The following MMP13 variants were observed in gnomAD, a reference collection of about 807,000 sequenced individuals.
MMP13 encodes matrix metallopeptidase 13, also known as collagenase 3.
MMP13 carries 45 observed loss-of-function variants against 52.1 expected under a neutral mutation model. That is an observed-to-expected ratio of 0.86 (90% CI 0.68 to 1.11). The LOEUF (loss-of-function observed/expected upper bound fraction) is 1.11, where lower values mean the gene tolerates loss of function less well. Among genes scored for constraint, MMP13 ranks in the 50% least tolerant of loss-of-function variants. MMP13 has a pLI of 0.00. For missense variants in MMP13, 576 were observed against 583.8 expected, an observed-to-expected ratio of 0.99 and a Z score of 0.14; for synonymous variants, 200 against 204.4, an observed-to-expected ratio of 0.98 and a Z score of 0.18.
chr11:102,954,560 C>A lies in MMP13; in HGVS notation c.409G>T (p.Ala137Ser). 2 of 1,613,576 alleles carry A rather than the reference C, an allele frequency of 1.2e-6. No homozygotes were observed. The highest frequency in any genetic ancestry group is 1.7e-6 in the Non-Finnish European group (2 of 1,179,702). The stretch of plus-strand genomic sequence containing the variant: ...CAAACTTTGAAGGCTTTTTTGAATG[C>A]CTTTTCGACTTCAGAATGAGTCATA... Reference protein sequence around the residue: ...PDMTHSEVEKAFKKAFKVWSD... With the variant: ...PDMTHSEVEKSFKKAFKVWSD... Residue 137 changes from alanine (A) to serine (S), a missense_variant, in exon 3 of 10, where the codon GCA becomes TCA. Physicochemically the swap from Ala to Ser is moderately conservative, Grantham distance 99. Transcript: ENST00000260302.
chr11:102,949,076 T>C lies in MMP13; in HGVS notation c.1000A>G (p.Ile334Val), dbSNP rs782377946. 3 of 1,613,922 alleles carry C rather than the reference T, an allele frequency of 1.9e-6. No individual in the cohort carries two copies. The highest frequency in any genetic ancestry group is 2.5e-6 in the Non-Finnish European group (3 of 1,179,838). The change falls in exon 7 of 10, where the codon ATT becomes GTT. Residue 334 changes from isoleucine (I) to valine (V), a missense_variant. Transcript: ENST00000260302. The surrounding 1 kb of genome is among the most constrained non-coding windows in gnomAD (Gnocchi z 4.2). Reference protein sequence around the residue: ...KSFWPELPNRIDAAYEHPSHD... With the variant: ...KSFWPELPNRVDAAYEHPSHD... ...GAAGGGTGCTCATATGCAGCATCAA[T>C]ACGGTTGGGAAGTTCTGGCCAAAAT...
At chr11:102,947,031 C>T (rs1860519962) in intron 8 of MMP13, among the ~76,000 whole-genome samples, 1 of 152,112 alleles carries the variant, frequency 6.6e-6, no homozygotes, top group Non-Finnish European at 1.5e-5. Flanking sequence ...TCAATGCTGC[C>T]TAAATCTTTA....
rs782547926 is a variant in MMP13 at position 102,950,091 on chromosome 11, G to T, written c.917+19C>A. On this transcript the variant is annotated intron_variant, in intron 6 of 9. Transcript: ENST00000260302. ...GATGTTTGTCGCATACAGACTTTAT[G>T]AAAGAATCTCAAGAGTACCTGTCTT... 7.0e-6 allele frequency: 11 copies of T among 1,572,782 alleles called. No individual in the cohort carries two copies. Among genetic ancestry groups the T allele is most frequent in the Non-Finnish European group, 8.8e-6 (10 of 1,142,536 alleles).
chr11:102,947,703 G>A (rs929025792), intron 8 of MMP13, among the ~76,000 whole-genome samples, 188 bp downstream of exon 8: 2 of 150,210 alleles, frequency 1.3e-5, no homozygotes, highest in South Asian at 4.3e-4. Flanking sequence ...GTGTGTGTGT[G>A]TGTTCAAGAG....
At chr11:102,947,297 T>C (rs1555016762) in intron 8 of MMP13, among the ~76,000 whole-genome samples, 16 of 152,038 alleles carry the variant, frequency 1.1e-4, no homozygotes, top group South Asian at 2.1e-4. Flanking sequence ...AAGGTGCCAA[T>C]TGGGTGTGGT....
chr11:102,950,235 C>G lies in MMP13; in HGVS notation c.800-8G>C. On this transcript the variant is annotated splice_polypyrimidine_tract_variant and splice_region_variant and intron_variant, in intron 5 of 9. Coordinates refer to ENST00000260302, the MANE Select transcript of MMP13 (RefSeq NM_002427.4). ...GGTCTTCATCTCCTGGACCTGTAGT[C>G]GTGAAAGGCAAGAGAGAAGTTATGA... is the stretch of plus-strand genomic sequence containing the variant. 6.3e-6 allele frequency: 10 copies of G among 1,598,156 alleles called. No individual in the cohort carries two copies. Among genetic ancestry groups the G allele is most frequent in the Non-Finnish European group, 8.6e-6 (10 of 1,165,638 alleles).
At chr11:102,951,892 A>G in intron 5 of MMP13, 120 bp downstream of exon 5, 1 of 996,708 alleles carries the variant, frequency 1.0e-6, no homozygotes, top group East Asian at 2.4e-5. Flanking sequence ...AACCTTTGTC[A>G]TGCATGCGCT....
At chr11:102,953,319 T>C (rs1025422154) in intron 4 of MMP13, among the ~76,000 whole-genome samples, 2 of 152,170 alleles carry the variant, frequency 1.3e-5, no homozygotes, top group African/African-American at 4.8e-5. Context: ...AATATGTAAA[T>C]TTTCACTTTT....
At position 102,952,124 on chromosome 11, in the gene MMP13, A is replaced by C. The variant is rs1591157715; in HGVS notation, c.687T>G (p.Gly229=). Residue 229 remains glycine, a synonymous_variant, in exon 5 of 10, where the codon GGT becomes GGG. Coordinates refer to ENST00000260302, the MANE Select transcript of MMP13 (RefSeq NM_002427.4). This position sits in a 1 kb window ranked among gnomAD's most constrained non-coding sequence, Gnocchi z 4.3. ...CTCCAGGGTCCTTGGAGTGGTCAAGACCTAAGGAGTGGCCGAACTCATGCG... is the reference window on the plus strand; with the variant it reads ...CTCCAGGGTCCTTGGAGTGGTCAAGCCCTAAGGAGTGGCCGAACTCATGCG... ...VAAHEFGHSL[G]LDHSKDPGAL... is the part of the protein sequence containing the mutation. 3 of 1,613,190 alleles carry C rather than the reference A, an allele frequency of 1.9e-6. No homozygotes were observed. Among genetic ancestry groups the C allele is most frequent in the Non-Finnish European group, 2.5e-6 (3 of 1,179,424 alleles).
At chr11:102,945,015 G>T (rs141332889) in intron 9 of MMP13, 38 of 210,400 alleles carry the variant, frequency 1.8e-4, no homozygotes, top group Non-Finnish European at 2.9e-4. Flanking sequence ...AGGCCGAGGC[G>T]GGTGAATCGC....
Position 102,943,972 on chromosome 11 carries a change from T to C in MMP13, c.*294A>G. 2.8e-6 allele frequency: 1 copy of C among 363,042 alleles called. No individual in the cohort carries two copies. Among genetic ancestry groups the C allele is most frequent in the East Asian group, 6.1e-5 (1 of 16,436 alleles). The allele number at this position is 363,042 out of a possible 1,614,324, so 22.5% of individuals were successfully genotyped here. On this transcript the variant is annotated 3_prime_UTR_variant, in exon 10 of 10. Transcript: ENST00000260302. ...AATATATTTTTAAATTATGCTCTCA[T>C]TGACAGACCATGTGTCCCATTTGTG...
At chr11:102,946,364 C>G (rs1376074864) in intron 8 of MMP13, among the ~76,000 whole-genome samples, 11 of 152,164 alleles carry the variant, frequency 7.2e-5, no homozygotes, top group African/African-American at 2.7e-4. Context: ...ACTACTGTTA[C>G]TGATGAGAGC....
Position 102,945,353 on chromosome 11 carries a change from T to A in MMP13, c.1315+293A>T, listed in dbSNP as rs567419897. ...CTTCCCACTCCACAGCCAGTTTGAA[T>A]TCTGGCAATATCCTTGCATTTTGGC... On this transcript the variant is annotated intron_variant, in intron 9 of 9. Coordinates refer to ENST00000260302, the MANE Select transcript of MMP13 (RefSeq NM_002427.4). 3 of 994,106 alleles carry A rather than the reference T, an allele frequency of 3.0e-6. No individual in the cohort carries two copies. The South Asian group carries it at 7.0e-5, about 23-fold the overall frequency. 61.6% of individuals were successfully genotyped at this position (994,106 alleles called of 1,614,324 possible).
rs1555017159 is a variant in MMP13 at position 102,950,204 on chromosome 11, G to A, written c.823C>T (p.Pro275Ser). ...LYGPGDEDPN[P>S]KHPKTPDKCD... The stretch of plus-strand genomic sequence containing the variant: ...TTGTCTGGCGTTTTTGGATGTTTAG[G>A]GTTGGGGTCTTCATCTCCTGGACCT... Residue 275 changes from proline (P) to serine (S), a missense_variant, in exon 6 of 10, where the codon CCT (proline) becomes TCT (serine). Pro to Ser is a moderately conservative substitution (Grantham distance 74). Transcript: ENST00000260302. 10 of 1,613,704 alleles carry A rather than the reference G, an allele frequency of 6.2e-6. No individual in the cohort carries two copies. The South Asian group carries it at 1.1e-4, about 18-fold the overall frequency.
At position 102,950,210 on chromosome 11, in the gene MMP13, G is replaced by T. The variant is rs782083671; in HGVS notation, c.817C>A (p.Pro273Thr). 1.2e-6 allele frequency: 2 copies of T among 1,613,348 alleles called. No individual in the cohort carries two copies. The highest frequency in any genetic ancestry group is 2.7e-5 in the African/African-American group (2 of 74,868). The change falls in exon 6 of 10, where the codon CCC becomes ACC. Residue 273 changes from proline (P) to threonine (T), a missense_variant. Pro to Thr is a conservative substitution (Grantham distance 38). Coordinates refer to ENST00000260302, the MANE Select transcript of MMP13 (RefSeq NM_002427.4). The stretch of plus-strand genomic sequence containing the variant: ...GGCGTTTTTGGATGTTTAGGGTTGG[G>T]GTCTTCATCTCCTGGACCTGTAGTC... ...QSLYGPGDED[P>T]NPKHPKTPDK...
chr11:102,952,307 C>T lies in MMP13; in HGVS notation c.638-134G>A. 8.5e-6 allele frequency: 8 copies of T among 941,666 alleles called. No homozygotes were observed. Among genetic ancestry groups the T allele is most frequent in the Non-Finnish European group, 1.3e-5 (8 of 617,542 alleles). 58.3% of individuals were successfully genotyped at this position (941,666 alleles called of 1,614,324 possible). A position where few individuals can be genotyped will look rare whatever the true frequency, so the allele number is the denominator to read the frequency against. ...TCTTTTCTCTTTCTTCAGTCTCCTA[C>T]TTTTTAAAATCAATATTCAGTTGCT... On this transcript the variant is annotated intron_variant, in intron 4 of 9. Transcript: ENST00000260302. The surrounding 1 kb of genome is among the most constrained non-coding windows in gnomAD (Gnocchi z 4.3).
Position 102,952,620 on chromosome 11 carries a change from G to A in MMP13, c.638-447C>T, listed in dbSNP as rs954389569. On this transcript the variant is annotated intron_variant, in intron 4 of 9. Coordinates refer to ENST00000260302, the MANE Select transcript of MMP13 (RefSeq NM_002427.4). The surrounding 1 kb of genome is among the most constrained non-coding windows in gnomAD (Gnocchi z 4.3). Reference sequence around the variant, plus strand: ...CTCCAATCAGGAGGCAGCATCCAAAGGGATGGTACCAAGGATGGAGGATGC... The same window carrying A: ...CTCCAATCAGGAGGCAGCATCCAAAAGGATGGTACCAAGGATGGAGGATGC... Among the ~76,000 whole-genome samples, 7 of 152,152 alleles carry A rather than the reference G, an allele frequency of 4.6e-5. No individual in the cohort carries two copies. Among genetic ancestry groups the A allele is most frequent in the South Asian group, 2.1e-4 (1 of 4,828 alleles).
intron 9 of MMP13, 54 bp downstream of exon 9, chr11:102,945,591 GT>G: frequency 9.2e-7 from 1 of 1,088,530 alleles, no homozygotes; most frequent in Non-Finnish European, 1.4e-6. Context: ...ACAGAAAAGA[GT>G]TTTGAGGGGC....
At chr11:102,950,058 G>T in intron 6 of MMP13, 52 bp downstream of exon 6, 1 of 1,460,210 alleles carries the variant, frequency 6.8e-7, no homozygotes, top group Non-Finnish European at 9.6e-7. Context: ...TGCAGAAGCA[G>T]CTTCACAGAT....
Sources: allele counts gnomAD v4.1 joint callset (sites outside exome capture counted in the v4.1 genomes callset), GRCh38; gene constraint gnomAD v4.1.1; non-coding constraint Gnocchi (gnomAD v3.1); transcripts MANE v1.5; gene names NCBI Gene and HGNC (gene_info 2026-07-23, HGNC 2026-07-21).